Variants in KLHDC1 observed in about 807,000 individuals in gnomAD.
The protein encoded by KLHDC1 is kelch domain containing 1.
A neutral mutation model predicts 68.3 loss-of-function variants in KLHDC1; 53 were observed. The observed-to-expected ratio is 0.78, with a 90% CI of 0.62 to 0.98. KLHDC1 has a LOEUF of 0.98. Among genes scored for constraint, KLHDC1 ranks in the 50% least tolerant of loss-of-function variants. KLHDC1 has a pLI of 0.00. For synonymous variants in KLHDC1, 148 were observed against 159.0 expected, an observed-to-expected ratio of 0.93 and a Z score of 0.52; for missense variants, 470 against 492.3, an observed-to-expected ratio of 0.95 and a Z score of 0.43.
In KLHDC1 at chr14:49,709,715, G is replaced by T. The variant is rs780876175; in HGVS notation, c.174G>T (p.Met58Ile). 1.4e-5 allele frequency: 22 copies of T among 1,570,114 alleles called. No homozygotes were observed. Among genetic ancestry groups the T allele is most frequent in the Non-Finnish European group, 5.2e-6 (6 of 1,155,640 alleles). Residue 58 changes from methionine to isoleucine, a missense_variant, in exon 3 of 13, where the codon ATG becomes ATT. Coordinates refer to ENST00000359332, the MANE Select transcript of KLHDC1 (RefSeq NM_172193.3). ...CATGTTATTCTTGCTGCAGGAGAAT[G>T]CACCTCATGGAAGGAGAACTCCCAG... ...TYDIDSGLWR[M>I]HLMEGELPAS...
chr14:49,746,503 C>G lies in KLHDC1; in HGVS notation c.1034+2698C>G, dbSNP rs181017805. On this transcript the variant is annotated intron_variant, in intron 12 of 12. Coordinates refer to ENST00000359332, the MANE Select transcript of KLHDC1 (RefSeq NM_172193.3). ...GCACAAAAACCAAGAGAAGGGAGATCTGAACAAGGAAAGACTAAAGAGATC... is the reference window on the plus strand; with the variant it reads ...GCACAAAAACCAAGAGAAGGGAGATGTGAACAAGGAAAGACTAAAGAGATC... Among the ~76,000 whole-genome samples the G allele has an allele frequency of 4.7e-3, 721 of 152,208 alleles. 7 individuals are homozygous for G. Among genetic ancestry groups the G allele is most frequent in the African/African-American group, 0.017 (688 of 41,534 alleles).
intron 1 of KLHDC1, chr14:49,708,635 G>C (rs1210222013): frequency 6.6e-6 from 1 of 152,280 alleles, no homozygotes; most frequent in East Asian, 1.9e-4. Context: ...TTATATTCTA[G>C]ATTTAATGAA....
chr14:49,740,248 C>A lies in KLHDC1; in HGVS notation c.981+66C>A, dbSNP rs982517782. The A allele has an allele frequency of 7.9e-6, 7 of 889,682 alleles. No individual in the cohort carries two copies. In the Admixed American group the frequency reaches 1.3e-4, roughly 17 times the overall value. 55.1% of individuals were successfully genotyped at this position (889,682 alleles called of 1,614,324 possible). A position where few individuals can be genotyped will look rare whatever the true frequency, so the allele number is the denominator to read the frequency against. On this transcript the variant is annotated intron_variant, in intron 11 of 12. Transcript: ENST00000359332. ...GTGTTATTCACACTAAATGGCTATT[C>A]AGCAAGAATGTTGATATTCTAACAT...
At chr14:49,725,175 C>A (rs1888634479) in intron 5 of KLHDC1, among the ~76,000 whole-genome samples, 1 of 152,120 alleles carries the variant, frequency 6.6e-6, no homozygotes, top group Non-Finnish European at 1.5e-5. Flanking sequence ...TAAGTCTTTT[C>A]TTTGCTGACA....
intron 12 of KLHDC1, among the ~76,000 whole-genome samples, chr14:49,747,081 G>A (rs1311457607): frequency 6.6e-6 from 1 of 151,800 alleles, no homozygotes; most frequent in African/African-American, 2.4e-5. Context: ...CGAGTAGCTG[G>A]GACCACAGGT....
rs1481352262 is a variant in KLHDC1 at position 49,751,898 on chromosome 14, A to G, written c.*126A>G. 4.3e-6 allele frequency: 2 copies of G among 464,732 alleles called. No individual in the cohort carries two copies. The highest frequency in any genetic ancestry group is 7.7e-6 in the Non-Finnish European group (2 of 261,158). The allele number at this position is 464,732 out of a possible 1,614,324, so 28.8% of individuals were successfully genotyped here. Reference sequence around the variant, plus strand: ...AGGATAAAAAAACAGTCACTCTGTTAAGTGACTATATGCCATGGGATATAT... The same window carrying G: ...AGGATAAAAAAACAGTCACTCTGTTGAGTGACTATATGCCATGGGATATAT... On this transcript the variant is annotated 3_prime_UTR_variant, in exon 13 of 13. Transcript: ENST00000359332.
intron 4 of KLHDC1, among the ~76,000 whole-genome samples, chr14:49,713,729 G>C (rs1168470694): frequency 7.2e-6 from 1 of 139,804 alleles, no homozygotes; most frequent in African/African-American, 2.7e-5. Context: ...TTACTAAAAA[G>C]ACAAATCGTT....
intron 8 of KLHDC1, among the ~76,000 whole-genome samples, chr14:49,732,137 A>T (rs569216983): frequency 1.4e-4 from 22 of 152,246 alleles, no homozygotes; most frequent in Non-Finnish European, 2.8e-4. Context: ...AATAAGAATG[A>T]TGCTGAGTAT....
At chr14:49,697,504 G>A (rs986680628) in intron 1 of KLHDC1, among the ~76,000 whole-genome samples, 1 of 152,210 alleles carries the variant, frequency 6.6e-6, no homozygotes, top group African/African-American at 2.4e-5. Context: ...ACACAGACAC[G>A]AAGTGAGCAT....
chr14:49,710,072 T>G (rs1888158826), intron 3 of KLHDC1, among the ~76,000 whole-genome samples, 191 bp from the exon 4 acceptor site: 1 of 152,186 alleles, frequency 6.6e-6, no homozygotes, highest in Non-Finnish European at 1.5e-5. Flanking sequence ...TGACTCATTT[T>G]AATATGTTTT....
chr14:49,703,492 G>A (rs952450394), intron 1 of KLHDC1, among the ~76,000 whole-genome samples: 34 of 152,026 alleles, frequency 2.2e-4, no homozygotes, highest in South Asian at 4.2e-4. Context: ...ACAGGTGCCC[G>A]CCACCACACC....
chr14:49,702,854 A>T (rs1887946450), intron 1 of KLHDC1, among the ~76,000 whole-genome samples: 1 of 152,174 alleles, frequency 6.6e-6, no homozygotes, highest in Admixed American at 6.5e-5. Flanking sequence ...CCTCTAGAAG[A>T]TTCTTAGCCT....
chr14:49,751,923 TG>T lies in KLHDC1; in HGVS notation c.*153del, dbSNP rs1308065946. 5.0e-6 allele frequency: 2 copies of T among 401,454 alleles called. No individual in the cohort carries two copies. Among genetic ancestry groups the T allele is most frequent in the African/African-American group, 4.1e-5 (2 of 48,386 alleles). 24.9% of individuals were successfully genotyped at this position (401,454 alleles called of 1,614,324 possible). ...AAGTGACTATATGCCATGGGATATA[TG>T]GAAAAAAGATATTAATGCAGATTAA... On this transcript the variant is annotated 3_prime_UTR_variant, in exon 13 of 13. Transcript: ENST00000359332.
In KLHDC1 at chr14:49,750,665, AAAGTTT is replaced by A. The variant is rs1889301905; in HGVS notation, c.1035-919_1035-914del. On this transcript the variant is annotated intron_variant, in intron 12 of 12. Coordinates refer to ENST00000359332, the MANE Select transcript of KLHDC1 (RefSeq NM_172193.3). Reference sequence around the variant, plus strand: ...TTTTTAACACTTATTTTTTTGAATTAAAGTTTATTAATTGAAACAGATGCTTTTTTG... The same window carrying A: ...TTTTTAACACTTATTTTTTTGAATTAATTAATTGAAACAGATGCTTTTTTG... 2.6e-5 allele frequency among the ~76,000 whole-genome samples: 4 copies of A among 152,246 alleles called. No individual in the cohort carries two copies. In the South Asian group the frequency reaches 8.3e-4, roughly 31 times the overall value.
chr14:49,710,080 T>G (rs1164831866), intron 3 of KLHDC1, among the ~76,000 whole-genome samples, 183 bp from the exon 4 acceptor site: 1 of 152,092 alleles, frequency 6.6e-6, no homozygotes, highest in East Asian at 1.9e-4. Context: ...TTTAATATGT[T>G]TTATATATCA....
In KLHDC1 at chr14:49,704,835, G is replaced by A. The variant is rs115993962; in HGVS notation, c.97-4324G>A. ...TAGAGAAGGAAAACTTGGACTGGGC[G>A]CAGTGGCTCACTCAATCAATAAATA... is the stretch of plus-strand genomic sequence containing the variant. On this transcript the variant is annotated intron_variant, in intron 1 of 12. Coordinates refer to ENST00000359332, the MANE Select transcript of KLHDC1 (RefSeq NM_172193.3). 6.9e-3 allele frequency among the ~76,000 whole-genome samples: 1,046 copies of A among 152,268 alleles called. 7 individuals are homozygous for A. The highest frequency in any genetic ancestry group is 0.019 in the African/African-American group (788 of 41,546).
At chr14:49,729,650 T>C in intron 8 of KLHDC1, 102 bp downstream of exon 8, 3 of 729,288 alleles carry the variant, frequency 4.1e-6, no homozygotes, top group Non-Finnish European at 2.3e-6. Context: ...CTGGTATTTT[T>C]TTCCTTCAGA....
intron 4 of KLHDC1, among the ~76,000 whole-genome samples, chr14:49,712,316 G>T (rs1456433505): frequency 6.6e-6 from 1 of 152,092 alleles, no homozygotes; most frequent in African/African-American, 2.4e-5. Context: ...AAGAAACCAT[G>T]TCATTTGGCT....
At chr14:49,742,500 A>G (rs1415022994) in intron 11 of KLHDC1, among the ~76,000 whole-genome samples, 2 of 151,852 alleles carry the variant, frequency 1.3e-5, no homozygotes, top group East Asian at 3.9e-4. Context: ...GCAAAACCCC[A>G]TCTCTACTAA....
Sources: gnomAD v4.1 joint callset for allele counts (sites outside exome capture counted in the v4.1 genomes callset) on GRCh38, gnomAD v4.1.1 for gene constraint, MANE v1.5 for transcripts, NCBI Gene and HGNC (gene_info 2026-07-23, HGNC 2026-07-21) for gene names.